The following SYNE2 variants were observed in gnomAD, a reference collection of about 807,000 sequenced individuals.
SYNE2 encodes the protein spectrin repeat containing nuclear envelope protein 2, also known as nesprin-2.
A neutral mutation model predicts 856.3 loss-of-function variants in SYNE2; 431 were observed. The ratio of observed to expected loss-of-function variants is 0.50; its 90% confidence interval spans 0.47 to 0.55. The LOEUF (loss-of-function observed/expected upper bound fraction) is 0.55, where lower values mean the gene tolerates loss of function less well. Among genes scored for constraint, SYNE2 ranks in the 20% least tolerant of loss-of-function variants. The pLI, the probability that SYNE2 is intolerant of heterozygous loss-of-function variation, is 0.00. For synonymous variants in SYNE2, 2,923 were observed against 2,872.3 expected (o/e 1.02, Z -0.56); for missense variants, 8,129 against 8,023.2 (o/e 1.01, Z -0.50).
At chr14:63,995,323 C>T (rs1478262555) in intron 23 of SYNE2, 121 bp downstream of exon 23, 44 of 758,332 alleles carry the variant, frequency 5.8e-5, no homozygotes, top group East Asian at 5.7e-5. Flanking sequence ...CTCCTCTCCC[C>T]GGGGATGATC....
intron 21 of SYNE2, among the ~76,000 whole-genome samples, chr14:63,991,489 G>T (rs568757182): frequency 2.6e-5 from 4 of 152,208 alleles, no homozygotes; most frequent in African/African-American, 9.6e-5. Context: ...GGTACGTGAA[G>T]TTACTTTGCA....
At chr14:63,966,565 T>C (rs1192187331) in intron 10 of SYNE2, among the ~76,000 whole-genome samples, 3 of 150,146 alleles carry the variant, frequency 2.0e-5, no homozygotes, top group Admixed American at 1.3e-4. Context: ...TAACTCTTTT[T>C]TTTCCCCCCC....
rs746169350 is a variant in SYNE2, at chr14:64,221,567, T to G, written c.20062-9T>G. 6.2e-7 allele frequency: 1 copy of G among 1,614,140 alleles called. No homozygotes were observed. Among genetic ancestry groups the G allele is most frequent in the Admixed American group, 1.7e-5 (1 of 60,010 alleles). On this transcript the variant is annotated splice_polypyrimidine_tract_variant and intron_variant, in intron 111 of 115. Transcript: ENST00000555002. ...GACACGGCCGCGCTCTGATGTGTTG[T>G]TTTTTAAGGACTTCCACCAGTTGAG...
chr14:63,893,577 C>G (rs868568347), intron 1 of SYNE2, among the ~76,000 whole-genome samples: 1 of 152,090 alleles, frequency 6.6e-6, no homozygotes, highest in African/African-American at 2.4e-5. Context: ...AAAAGAGAAA[C>G]TTTCTTCAAC....
intron 1 of SYNE2, among the ~76,000 whole-genome samples, chr14:63,783,199 ATCGTT>A (rs1320535011): frequency 6.6e-6 from 1 of 152,056 alleles, no homozygotes; most frequent in Non-Finnish European, 1.5e-5. Flanking sequence ...GCGAGATCTG[ATCGTT>A]TTATAAGTGT....
intron 103 of SYNE2, among the ~76,000 whole-genome samples, chr14:64,210,845 C>G (rs758588379): frequency 3.3e-5 from 5 of 152,074 alleles, no homozygotes; most frequent in Non-Finnish European, 7.4e-5. Context: ...TCTTTTCTCT[C>G]TCTCTCCCCC....
chr14:64,209,988 T>C lies in SYNE2; in HGVS notation c.18587T>C (p.Ile6196Thr), dbSNP rs1472405551. The C allele has an allele frequency of 6.2e-7, 1 of 1,613,964 alleles. No homozygotes were observed. Among genetic ancestry groups the C allele is most frequent in the East Asian group, 2.2e-5 (1 of 44,878 alleles). The change falls in exon 103 of 116, where the codon ATC (isoleucine) becomes ACC (threonine). Residue 6196 changes from isoleucine (I) to threonine (T), a missense_variant. Transcript: ENST00000555002. Reference sequence around the variant, plus strand: ...GAGCGGCTCACTCAGCTGGAGCTCATCAACAAGCAGTACCGGCGGCTGGCC... The same window carrying C: ...GAGCGGCTCACTCAGCTGGAGCTCACCAACAAGCAGTACCGGCGGCTGGCC... ...IHERLTQLELINKQYRRLARE... is the reference protein window; with the variant it reads ...IHERLTQLELTNKQYRRLARE...
At chr14:63,847,649 G>A (rs2139947845) in intron 1 of SYNE2, among the ~76,000 whole-genome samples, 1 of 148,466 alleles carries the variant, frequency 6.7e-6, no homozygotes, top group Admixed American at 6.7e-5. Context: ...GCAGTGGCGG[G>A]ATCTCGGCTC....
At chr14:64,185,519 CTTTTTT>C (rs66490444) in intron 96 of SYNE2, among the ~76,000 whole-genome samples, 1 of 77,476 alleles carries the variant, frequency 1.3e-5, no homozygotes. Context: ...TTTTCTTTTT[CTTTTTT>C]TTTTTTTTTT....
intron 64 of SYNE2, among the ~76,000 whole-genome samples, chr14:64,105,932 G>A (rs1394162960): frequency 6.6e-6 from 1 of 151,780 alleles, no homozygotes; most frequent in Non-Finnish European, 1.5e-5. Flanking sequence ...GGTGGTGCAT[G>A]CCTATAGTCC....
chr14:64,216,222 CTG>C (rs2098665759), intron 107 of SYNE2, 24 bp from the exon 108 acceptor site: 2 of 1,613,820 alleles, frequency 1.2e-6, no homozygotes, highest in African/African-American at 1.3e-5. Flanking sequence ...AGAGAATAGA[CTG>C]TCGCTTGCTG....
chr14:63,762,363 A>G (rs1886515051), intron 1 of SYNE2, among the ~76,000 whole-genome samples: 1 of 151,606 alleles, frequency 6.6e-6, no homozygotes, highest in African/African-American at 2.4e-5. Context: ...TGAACCTGGG[A>G]AGCAGAGGTT....
chr14:64,044,556 C>A (rs1268799702), intron 45 of SYNE2, among the ~76,000 whole-genome samples: 1 of 152,208 alleles, frequency 6.6e-6, no homozygotes, highest in Admixed American at 6.5e-5. Flanking sequence ...GGGCCAGATG[C>A]AAAATGGTAT....
intron 7 of SYNE2, among the ~76,000 whole-genome samples, chr14:63,953,531 TAGAG>T (rs71123822): frequency 0.53 from 78,291 of 148,622 alleles, 22,214 homozygotes; most frequent in Non-Finnish European, 0.63. Flanking sequence ...AATAGATAGA[TAGAG>T]AGAGAGAGAG....
intron 2 of SYNE2, among the ~76,000 whole-genome samples, chr14:63,919,676 C>T (rs2095573715): frequency 6.6e-6 from 1 of 152,080 alleles, no homozygotes. Flanking sequence ...CAGGTGAACG[C>T]AATGGCATGG....
chr14:64,137,263 A>G (rs1225534016), intron 78 of SYNE2, among the ~76,000 whole-genome samples: 2 of 152,134 alleles, frequency 1.3e-5, no homozygotes, highest in Non-Finnish European at 2.9e-5. Context: ...GCAGTGGCAC[A>G]ATCTCAGCTC....
At position 64,000,630 on chromosome 14, in the gene SYNE2, T is replaced by C. The variant is rs372590788; in HGVS notation, c.3549T>C (p.His1183=). ...TTATTTCATTGAAGTTAGAAAATCA[T>C]GTGAATGACATAAAAAAGCCTTTTG... ...FEIISLKLEN[H]VNDIKKPFVI... The change falls in exon 28 of 116, where the codon CAT becomes CAC. Residue 1183 remains histidine (H), a synonymous_variant. Transcript: ENST00000555002. 5.6e-6 allele frequency: 9 copies of C among 1,613,440 alleles called. No homozygotes were observed. The highest frequency in any genetic ancestry group is 1.6e-4 in the Middle Eastern group (1 of 6,078).
intron 1 of SYNE2, among the ~76,000 whole-genome samples, chr14:63,830,047 G>A (rs1451845595): frequency 6.6e-5 from 10 of 152,166 alleles, no homozygotes; most frequent in African/African-American, 2.2e-4. Context: ...GCCATAAAAA[G>A]GAATGAAGTG....
Position 64,087,778 on chromosome 14 carries a change from A to G in SYNE2, c.11592A>G (p.Ile3864Met), listed in dbSNP as rs1436166429. 2.5e-6 allele frequency: 4 copies of G among 1,614,040 alleles called. No individual in the cohort carries two copies. Among genetic ancestry groups the G allele is most frequent in the Admixed American group, 3.3e-5 (2 of 60,002 alleles). The change falls in exon 58 of 116, where the codon ATA becomes ATG. Residue 3864 changes from isoleucine (I) to methionine (M), a missense_variant. This residue lies in a region of SYNE2 where 5,410 missense variants were observed against 5,284.8 expected (regional missense o/e 1.02). Coordinates refer to ENST00000555002, the MANE Select transcript of SYNE2 (RefSeq NM_182914.3). ...IFETDELTQS[I>M]QELSNQVTAL... is the part of the protein sequence containing the mutation. ...AAACAGATGAATTAACCCAATCCATACAAGAGTTAAGTAATCAAGTAACAG... is the reference window on the plus strand; with the variant it reads ...AAACAGATGAATTAACCCAATCCATGCAAGAGTTAAGTAATCAAGTAACAG...
Sources: gnomAD v4.1 joint callset for allele counts (sites outside exome capture counted in the v4.1 genomes callset) on GRCh38, gnomAD v4.1.1 for gene constraint, gnomAD v4.1.1 regional missense constraint, MANE v1.5 for transcripts, NCBI Gene and HGNC (gene_info 2026-07-23, HGNC 2026-07-21) for gene names.